The following RPGRIP1L variants were observed in gnomAD, a reference collection of about 807,000 sequenced individuals.
RPGRIP1L encodes the protein protein fantom.
Under a neutral mutation model 160.4 loss-of-function variants are expected in RPGRIP1L, and 131 were observed. The ratio of observed to expected loss-of-function variants is 0.82; its 90% CI spans 0.71 to 0.94. The LOEUF is 0.94. Ranked by LOEUF, RPGRIP1L falls within the 40% of genes least tolerant of loss-of-function variation. RPGRIP1L has a pLI of 0.00. For synonymous variants in RPGRIP1L, 510 were observed against 515.8 expected (o/e 0.99, Z 0.15); for missense variants, 1,522 against 1,535.8 (o/e 0.99, Z 0.15).
chr16:53,656,129 T>C (rs1967235079), intron 14 of RPGRIP1L, among the ~76,000 whole-genome samples: 1 of 152,120 alleles, frequency 6.6e-6, no homozygotes, highest in South Asian at 2.1e-4. Flanking sequence ...ACACTGAATT[T>C]AAAAAGCAGT....
chr16:53,665,714 C>G (rs898611936), intron 9 of RPGRIP1L, among the ~76,000 whole-genome samples: 1 of 151,976 alleles, frequency 6.6e-6, no homozygotes, highest in Non-Finnish European at 1.5e-5. Flanking sequence ...TAATCAAGAC[C>G]CAGCATATCA....
chr16:53,681,178 C>T (rs1429067349), intron 6 of RPGRIP1L, among the ~76,000 whole-genome samples: 1 of 152,098 alleles, frequency 6.6e-6, no homozygotes, highest in Non-Finnish European at 1.5e-5. Flanking sequence ...GTCGGCTGTC[C>T]GCCAAAGGGA....
chr16:53,607,958 C>T, intron 25 of RPGRIP1L: 1 of 984,914 alleles, frequency 1.0e-6, no homozygotes, highest in Non-Finnish European at 1.2e-6. Flanking sequence ...AACTTTGTCC[C>T]ATGTCTGGAA....
At chr16:53,681,209 G>C (rs1969580291) in intron 6 of RPGRIP1L, among the ~76,000 whole-genome samples, 1 of 152,140 alleles carries the variant, frequency 6.6e-6, no homozygotes, top group Non-Finnish European at 1.5e-5. Flanking sequence ...GAGTGTCTGA[G>C]ATACTTATGG....
At chr16:53,604,109 T>G (rs1298959161) in intron 26 of RPGRIP1L, among the ~76,000 whole-genome samples, 1 of 152,218 alleles carries the variant, frequency 6.6e-6, no homozygotes, top group Non-Finnish European at 1.5e-5. Context: ...AGGTTAATAT[T>G]TCAATCCTCT....
intron 9 of RPGRIP1L, among the ~76,000 whole-genome samples, chr16:53,667,346 A>T (rs1968354379): frequency 6.6e-6 from 1 of 152,200 alleles, no homozygotes; most frequent in African/African-American, 2.4e-5. Context: ...TCTGCTTCCT[A>T]AGATCTTTCC....
chr16:53,674,136 T>C (rs1259224721), intron 7 of RPGRIP1L, among the ~76,000 whole-genome samples: 1 of 152,120 alleles, frequency 6.6e-6, no homozygotes, highest in East Asian at 1.9e-4. Context: ...CAGAAGTAAT[T>C]ACCACTTGGC....
chr16:53,671,999 C>T (rs1428674145), intron 8 of RPGRIP1L, among the ~76,000 whole-genome samples: 1 of 151,954 alleles, frequency 6.6e-6, no homozygotes, highest in African/African-American at 2.4e-5. Flanking sequence ...TTTTTAGGTT[C>T]ATGGTTCAAA....
Position 53,652,843 on chromosome 16 carries a change from GTTACT to G in RPGRIP1L, c.1839_1843del (p.Lys613AsnfsTer5), listed in dbSNP as rs1425087298. ...TGCCTGTAAAACTTCAGAAGAAAAG[GTTACT>G]TTGTTGATATGGATTTCAAATAGAT... On this transcript the variant is annotated frameshift_variant, in exon 15 of 27. Transcript: ENST00000647211. LOFTEE classifies it high-confidence loss of function. 1 of 1,613,178 alleles carries G rather than the reference GTTACT, an allele frequency of 6.2e-7. No individual in the cohort carries two copies. Among genetic ancestry groups the G allele is most frequent in the African/African-American group, 1.3e-5 (1 of 74,798 alleles).
intron 22 of RPGRIP1L, among the ~76,000 whole-genome samples, chr16:53,623,102 G>A (rs1003478774): frequency 1.3e-5 from 2 of 152,292 alleles, no homozygotes; most frequent in Admixed American, 6.5e-5. Flanking sequence ...GGGAGATAAA[G>A]AAAAATAAGA....
At chr16:53,702,727 G>A (rs1282303016) in intron 1 of RPGRIP1L, among the ~76,000 whole-genome samples, 5 of 148,132 alleles carry the variant, frequency 3.4e-5, no homozygotes, top group Non-Finnish European at 7.4e-5. Flanking sequence ...TATGTTGCCC[G>A]GGCTGGCCTT....
Position 53,637,791 on chromosome 16 carries a change from CT to C in RPGRIP1L, c.3123del (p.Asp1042MetfsTer25). ...CCTTCAGATAGTAAAGACACATCAT[CT>C]TTTCCTTGCTGCATTTTCTCAGTAT... ...KENTEKMQQG[K>X]DDVSLLSEGQ... is the part of the protein sequence containing the mutation. On this transcript the variant is annotated frameshift_variant, in exon 21 of 27. Coordinates refer to ENST00000647211, the MANE Select transcript of RPGRIP1L (RefSeq NM_015272.5). LOFTEE classifies it high-confidence loss of function. The C allele has an allele frequency of 6.2e-7, 1 of 1,613,318 alleles. No individual in the cohort carries two copies.
chr16:53,700,358 T>C (rs534724152), intron 2 of RPGRIP1L, among the ~76,000 whole-genome samples: 1 of 152,354 alleles, frequency 6.6e-6, no homozygotes, highest in African/African-American at 2.4e-5. Context: ...CTTGATACTC[T>C]CTATGTAGTT....
intron 26 of RPGRIP1L, among the ~76,000 whole-genome samples, chr16:53,603,706 GTGTT>G (rs1197409854): frequency 6.9e-6 from 1 of 144,282 alleles, no homozygotes; most frequent in African/African-American, 2.7e-5. Context: ...GTGTGTGTGT[GTGTT>G]TAATTCCAAG....
At chr16:53,659,858 C>A (rs374149819) in intron 10 of RPGRIP1L, 1 of 152,072 alleles carries the variant, frequency 6.6e-6, no homozygotes, top group Non-Finnish European at 1.5e-5. Context: ...CCAGCCTGGG[C>A]GACAGAGCAA....
intron 24 of RPGRIP1L, 37 bp from the exon 25 acceptor site, chr16:53,611,088 C>A: frequency 1.4e-6 from 2 of 1,416,546 alleles, no homozygotes; most frequent in South Asian, 2.3e-5. Context: ...AAAAGGAAGT[C>A]ACTCAGGAAT....
At chr16:53,686,005 G>T (rs933049251) in intron 6 of RPGRIP1L, among the ~76,000 whole-genome samples, 4 of 152,068 alleles carry the variant, frequency 2.6e-5, no homozygotes, top group African/African-American at 9.7e-5. Context: ...GATCTTTTTG[G>T]GATTACAAAC....
At chr16:53,616,525 C>CA (rs1348911701) in intron 24 of RPGRIP1L, among the ~76,000 whole-genome samples, 8 of 152,152 alleles carry the variant, frequency 5.3e-5, no homozygotes, top group Non-Finnish European at 1.0e-4. Context: ...GCACGGAGTA[C>CA]ATTCCTTTCC....
intron 22 of RPGRIP1L, among the ~76,000 whole-genome samples, chr16:53,632,300 T>A (rs1187194884): frequency 6.6e-6 from 1 of 152,214 alleles, no homozygotes; most frequent in African/African-American, 2.4e-5. Context: ...GGACACTACT[T>A]CTAGTCCTAA....
Sources: gnomAD v4.1 joint callset for allele counts (sites outside exome capture counted in the v4.1 genomes callset) on GRCh38, gnomAD v4.1.1 for gene constraint, MANE v1.5 for transcripts, NCBI Gene and HGNC (gene_info 2026-07-23, HGNC 2026-07-21) for gene names.